The following NUP155 variants were observed in gnomAD, a reference collection of about 807,000 sequenced individuals.
The protein encoded by NUP155 is nucleoporin 155, also known as nuclear pore complex protein Nup155.
In NUP155, 71 loss-of-function variants were observed where a neutral mutation model predicts 180.4. The ratio of observed to expected loss-of-function variants is 0.39; its 90% CI spans 0.33 to 0.48. The LOEUF is 0.48. NUP155 is among the 20% of genes least tolerant of loss of function. The pLI is 0.91. For missense variants in NUP155, 1,553 were observed against 1,648.9 expected (o/e 0.94, Z 1.01); for synonymous variants, 582 against 559.5 (o/e 1.04, Z -0.57).
At chr5:37,333,329 TGGGTGATGAGCG>T in intron 13 of NUP155, 122 bp downstream of exon 13, 1 of 802,726 alleles carries the variant, frequency 1.2e-6, no homozygotes, top group Non-Finnish European at 2.1e-6. Flanking sequence ...CACTCCAGCC[TGGGTGATGAGCG>T]AGACTCCGTC....
At chr5:37,293,437 G>A (rs534132488) in intron 33 of NUP155, among the ~76,000 whole-genome samples, 1 of 152,248 alleles carries the variant, frequency 6.6e-6, no homozygotes, top group South Asian at 2.1e-4. Flanking sequence ...TAACATCTCT[G>A]CTCTTGTTTT....
chr5:37,320,008 C>A (rs1744140986), intron 20 of NUP155, among the ~76,000 whole-genome samples: 1 of 151,796 alleles, frequency 6.6e-6, no homozygotes, highest in Non-Finnish European at 1.5e-5. Context: ...CACAGTGAGA[C>A]CCTATCTCTG....
At chr5:37,320,507 ATTACC>A (rs765475135) in intron 20 of NUP155, among the ~76,000 whole-genome samples, 33 of 152,194 alleles carry the variant, frequency 2.2e-4, no homozygotes, top group Non-Finnish European at 4.1e-4. Flanking sequence ...AGAGAGAGAG[ATTACC>A]TTGTGCAGAG....
intron 17 of NUP155, 102 bp from the exon 18 acceptor site, chr5:37,327,878 C>T: frequency 7.5e-7 from 1 of 1,334,494 alleles, no homozygotes; most frequent in Non-Finnish European, 1.0e-6. Flanking sequence ...AATCTTAGAA[C>T]CCATAAAATT....
chr5:37,308,955 A>G (rs1743351714), intron 24 of NUP155, among the ~76,000 whole-genome samples, 174 bp downstream of exon 24: 1 of 151,952 alleles, frequency 6.6e-6, no homozygotes, highest in Non-Finnish European at 1.5e-5. Flanking sequence ...CAGTGTAGTC[A>G]TCAAATATTG....
At chr5:37,292,676 T>A (rs953495246) in intron 34 of NUP155, among the ~76,000 whole-genome samples, 2 of 152,206 alleles carry the variant, frequency 1.3e-5, no homozygotes, top group Admixed American at 1.3e-4. Flanking sequence ...ATACATTATG[T>A]ATGTTCAGCT....
intron 5 of NUP155, 42 bp from the exon 6 acceptor site, chr5:37,351,398 C>T: frequency 7.2e-7 from 1 of 1,384,638 alleles, no homozygotes; most frequent in Non-Finnish European, 1.0e-6. Flanking sequence ...TTAGCTACTC[C>T]ACAGTTTTTA....
chr5:37,352,017 G>T (rs1020046062), intron 5 of NUP155, among the ~76,000 whole-genome samples: 4 of 151,774 alleles, frequency 2.6e-5, no homozygotes, highest in African/African-American at 9.7e-5. Context: ...GAGGTCGGCA[G>T]TTCAAGACCA....
intron 1 of NUP155, among the ~76,000 whole-genome samples, chr5:37,367,585 T>C (rs1747678764): frequency 6.6e-6 from 1 of 151,160 alleles, no homozygotes; most frequent in African/African-American, 2.4e-5. Context: ...CAGGCTGGAA[T>C]GCAGTGGCGC....
chr5:37,359,102 C>T (rs73068443), intron 3 of NUP155, among the ~76,000 whole-genome samples: 3,828 of 151,106 alleles, frequency 0.025, 153 homozygotes, highest in African/African-American at 0.088. Flanking sequence ...GAGTTCAAGA[C>T]CCTGGGAAAC....
At chr5:37,358,826 G>A (rs1161623741) in intron 3 of NUP155, among the ~76,000 whole-genome samples, 1 of 152,184 alleles carries the variant, frequency 6.6e-6, no homozygotes, top group African/African-American at 2.4e-5. Flanking sequence ...AGGCCATCCT[G>A]GCCAATGTGG....
chr5:37,294,308 GT>G lies in NUP155; in HGVS notation c.3930+20del. 6.9e-7 allele frequency: 1 copy of G among 1,447,900 alleles called. No homozygotes were observed. Among genetic ancestry groups the G allele is most frequent in the Non-Finnish European group, 9.5e-7 (1 of 1,053,884 alleles). 89.7% of individuals were successfully genotyped at this position (1,447,900 alleles called of 1,614,324 possible). A position where few individuals can be genotyped will look rare whatever the true frequency, so the allele number is the denominator to read the frequency against. On this transcript the variant is annotated intron_variant, in intron 33 of 34. Coordinates refer to ENST00000231498, the MANE Select transcript of NUP155 (RefSeq NM_153485.3). ...CTTTAATTAAAGAAAATAATTTTAT[GT>G]TATTTAATATTTTCCTTACCCGTGA...
At chr5:37,364,666 T>C (rs186346742) in intron 1 of NUP155, among the ~76,000 whole-genome samples, 303 of 151,592 alleles carry the variant, frequency 2.0e-3, no homozygotes, top group African/African-American at 7.0e-3. Context: ...AGATAGAGTC[T>C]CGCACTGTCG....
intron 24 of NUP155, among the ~76,000 whole-genome samples, chr5:37,308,034 G>T (rs1426234304): frequency 1.3e-5 from 2 of 151,466 alleles, no homozygotes; most frequent in African/African-American, 4.8e-5. Context: ...GTTCCCTACT[G>T]GGGGGAAAAA....
intron 25 of NUP155, among the ~76,000 whole-genome samples, chr5:37,305,707 A>G (rs1482351904): frequency 6.6e-6 from 1 of 151,910 alleles, no homozygotes; most frequent in East Asian, 1.9e-4. Context: ...AAAACAAAAC[A>G]AAACGAAACA....
In NUP155 at chr5:37,351,358, T is replaced by C; in HGVS notation, c.557-2A>G. ...AACTATCATTAAGAACTCCAGAACC[T>C]ATTTAAGAAAGAATACATAAATCAG... On this transcript the variant is annotated splice_acceptor_variant, in intron 5 of 34. Transcript: ENST00000231498. LOFTEE classifies it high-confidence loss of function. 3 of 1,607,516 alleles carry C rather than the reference T, an allele frequency of 1.9e-6. No homozygotes were observed. Among genetic ancestry groups the C allele is most frequent in the Non-Finnish European group, 2.6e-6 (3 of 1,174,628 alleles).
intron 20 of NUP155, among the ~76,000 whole-genome samples, chr5:37,321,515 G>A (rs1056099570): frequency 3.9e-5 from 6 of 151,956 alleles, no homozygotes; most frequent in South Asian, 2.1e-4. Context: ...TCAAGAGATC[G>A]AGACCATCCT....
rs149196738 is a variant in NUP155 at position 37,341,133 on chromosome 5, G to A, written c.1203C>T (p.Thr401=). The A allele has an allele frequency of 1.2e-5, 19 of 1,613,790 alleles. No homozygotes were observed. The highest frequency in any genetic ancestry group is 9.9e-5 in the South Asian group (9 of 91,076). Residue 401 remains threonine (T), a synonymous_variant, in exon 11 of 35, where the codon ACC becomes ACT. Coordinates refer to ENST00000231498, the MANE Select transcript of NUP155 (RefSeq NM_153485.3). The part of the protein sequence containing the change: ...RLPPGFSASS[T]VEKPSKVHRA... ...TATGTACTTTTGAAGGCTTTTCCAC[G>A]GTTGAAGATGCTGAGAATCCAGGAG...
chr5:37,325,764 G>GT (rs1744554071), intron 19 of NUP155, 137 bp downstream of exon 19: 1 of 540,000 alleles, frequency 1.9e-6, no homozygotes, highest in African/African-American at 3.6e-5. Flanking sequence ...GCAGGACTCT[G>GT]TCTCAAAAAA....
Sources: gnomAD v4.1 joint callset for allele counts (sites outside exome capture counted in the v4.1 genomes callset) on GRCh38, gnomAD v4.1.1 for gene constraint, MANE v1.5 for transcripts, NCBI Gene and HGNC (gene_info 2026-07-23, HGNC 2026-07-21) for gene names.